LPCAT1: variants seen among roughly 807,000 people sequenced by gnomAD.
LPCAT1 encodes lysophosphatidylcholine acyltransferase 1.
Under a neutral mutation model 60.9 loss-of-function variants are expected in LPCAT1, and 23 were observed. That is an observed-to-expected ratio of 0.38 (90% confidence interval 0.27 to 0.53). The LOEUF (loss-of-function observed/expected upper bound fraction) is 0.53. Ranked by LOEUF, LPCAT1 falls within the 20% of genes least tolerant of loss-of-function variation. The pLI is 0.82. For missense variants in LPCAT1, 622 were observed against 723.6 expected (o/e 0.86, Z 1.61); for synonymous variants, 340 against 301.1 (o/e 1.13, Z -1.34).
rs376687163 is a variant in LPCAT1, at chr5:1,488,467, A to G, written c.607-16T>C. The stretch of plus-strand genomic sequence containing the variant: ...AAATCATTATCTGGAAGTGGGAGAA[A>G]GAAAAGGATCAGCATTAAACTGTAC... On this transcript the variant is annotated splice_polypyrimidine_tract_variant and intron_variant, in intron 4 of 13. Coordinates refer to ENST00000283415, the MANE Select transcript of LPCAT1 (RefSeq NM_024830.5). The G allele has an allele frequency of 4.5e-6, 7 of 1,560,312 alleles. No homozygotes were observed. Among genetic ancestry groups the G allele is most frequent in the Non-Finnish European group, 6.1e-6 (7 of 1,140,626 alleles).
chr5:1,514,716 GT>G (rs1736453549), intron 1 of LPCAT1, among the ~76,000 whole-genome samples: 2 of 152,318 alleles, frequency 1.3e-5, no homozygotes, highest in South Asian at 4.1e-4. Flanking sequence ...GCTGCAGACA[GT>G]GATACATCGT....
At position 1,489,803 on chromosome 5, in the gene LPCAT1, G is replaced by C. The variant is rs369672145; in HGVS notation, c.549C>G (p.Arg183=). The C allele has an allele frequency of 6.2e-7, 1 of 1,614,094 alleles. No homozygotes were observed. The highest frequency in any genetic ancestry group is 1.3e-5 in the African/African-American group (1 of 74,942). Residue 183 remains arginine, a synonymous_variant, in exon 4 of 14, where the codon CGC becomes CGG. Transcript: ENST00000283415. ...VFVSRSDQDS[R]RKTVEEIKRR... ...TCTTGATTTCTTCTACTGTTTTCCT[G>C]CGAGAATCCTGGTCTGACCGGGACA...
intron 12 of LPCAT1, among the ~76,000 whole-genome samples, chr5:1,468,282 G>A (rs1734521693): frequency 1.3e-5 from 2 of 152,200 alleles, no homozygotes; most frequent in South Asian, 4.1e-4. Flanking sequence ...TGTGGTCTAC[G>A]TTTCTCTCCT....
In LPCAT1 at chr5:1,466,812, C is replaced by T. The variant is rs781199821; in HGVS notation, c.1357G>A (p.Glu453Lys). The T allele has an allele frequency of 1.9e-6, 3 of 1,613,494 alleles. No individual in the cohort carries two copies. The South Asian group carries it at 3.3e-5, about 18-fold the overall frequency. Residue 453 changes from glutamate to lysine, a missense_variant, in exon 13 of 14, where the codon GAG (glutamate) becomes AAG (lysine). This residue lies in a region of LPCAT1 where 288 missense variants were observed against 283.6 expected (regional missense o/e 1.02). Coordinates refer to ENST00000283415, the MANE Select transcript of LPCAT1 (RefSeq NM_024830.5). Reference protein sequence around the residue: ...CILKTALGVAELTVTDLFRAI... With the variant: ...CILKTALGVAKLTVTDLFRAI... ...CGGAATAGGTCGGTCACGGTGAGCT[C>T]TGCCACCCCCAGGGCCGTCTTGAGG... is the stretch of plus-strand genomic sequence containing the variant.
intron 1 of LPCAT1, among the ~76,000 whole-genome samples, chr5:1,517,836 A>G (rs1172252770): frequency 6.6e-6 from 1 of 152,262 alleles, no homozygotes; most frequent in Non-Finnish European, 1.5e-5. Context: ...CGCTGTTCCC[A>G]GACAGGAGCC....
Position 1,523,380 on chromosome 5 carries a change from G to A in LPCAT1, c.135+330C>T, listed in dbSNP as rs1736733682. On this transcript the variant is annotated intron_variant, in intron 1 of 13. Transcript: ENST00000283415. This position sits in a 1 kb window ranked among gnomAD's most constrained non-coding sequence, Gnocchi z 7.1. ...CGAGGTCGGGGCTCTGGGAGGCAGA[G>A]AAAGGGTTGTGGGCCCGGTTCAGGG... Among the ~76,000 whole-genome samples, 1 of 151,812 alleles carries A rather than the reference G, an allele frequency of 6.6e-6. No homozygotes were observed. Among genetic ancestry groups the A allele is most frequent in the Admixed American group, 6.6e-5 (1 of 15,248 alleles).
At chr5:1,479,982 C>T (rs1735071327) in intron 7 of LPCAT1, among the ~76,000 whole-genome samples, 2 of 151,926 alleles carry the variant, frequency 1.3e-5, no homozygotes, top group African/African-American at 4.8e-5. Flanking sequence ...CCCTCCACAC[C>T]TGTCCCTCCT....
intron 1 of LPCAT1, among the ~76,000 whole-genome samples, chr5:1,507,108 G>C (rs1415500432): frequency 6.6e-6 from 1 of 152,160 alleles, no homozygotes; most frequent in Non-Finnish European, 1.5e-5. Flanking sequence ...ATGCGGAGAG[G>C]GGGAGGGACT....
At chr5:1,470,972 GGA>G in intron 11 of LPCAT1, 48 bp from the exon 12 acceptor site, 1 of 1,534,630 alleles carries the variant, frequency 6.5e-7, no homozygotes, top group Non-Finnish European at 9.0e-7. Context: ...CTTCGGCACT[GGA>G]GAAACGCCAG....
chr5:1,501,214 C>T lies in LPCAT1; in HGVS notation c.278+247G>A, dbSNP rs146193779. 1.1e-3 allele frequency among the ~76,000 whole-genome samples: 174 copies of T among 152,280 alleles called. 1 individual carries two copies. Among genetic ancestry groups the T allele is most frequent in the African/African-American group, 3.9e-3 (163 of 41,524 alleles). On this transcript the variant is annotated intron_variant, in intron 2 of 13. Coordinates refer to ENST00000283415, the MANE Select transcript of LPCAT1 (RefSeq NM_024830.5). ...GCTCAAGGGTGTGAAACAATGGCCACACATCCTGCAGACCCCTGGAAAATG... is the reference window on the plus strand; with the variant it reads ...GCTCAAGGGTGTGAAACAATGGCCATACATCCTGCAGACCCCTGGAAAATG...
intron 1 of LPCAT1, among the ~76,000 whole-genome samples, chr5:1,508,857 C>T (rs1736265547): frequency 6.6e-6 from 1 of 152,256 alleles, no homozygotes; most frequent in African/African-American, 2.4e-5. Context: ...CCTCCCTCGT[C>T]TCTGCCAAGG....
rs371264359 is a variant in LPCAT1 at position 1,465,981 on chromosome 5, C to G, written c.1420+768G>C. Among the ~76,000 whole-genome samples, 68 of 152,308 alleles carry G rather than the reference C, an allele frequency of 4.5e-4. 3 individuals are homozygous for G. In the East Asian group the frequency reaches 0.012, roughly 26 times the overall value. ...AGTGCGCACATCCGCACTCCCGCCT[C>G]CGGCTCCCGCACAGACGCTGTGCAC... On this transcript the variant is annotated intron_variant, in intron 13 of 13. Transcript: ENST00000283415.
chr5:1,469,603 C>G (rs568381484), intron 12 of LPCAT1, among the ~76,000 whole-genome samples: 124 of 152,214 alleles, frequency 8.1e-4, no homozygotes, highest in African/African-American at 2.9e-3. Context: ...ATGGTGAAAC[C>G]CTGTTTCTTC....
chr5:1,466,696 T>C, intron 13 of LPCAT1, 53 bp downstream of exon 13: 1 of 1,556,314 alleles, frequency 6.4e-7, no homozygotes, highest in South Asian at 1.2e-5. Flanking sequence ...CCCCACACTC[T>C]GTCCAGCCCC....
intron 1 of LPCAT1, among the ~76,000 whole-genome samples, chr5:1,520,244 G>A (rs913666001): frequency 2.0e-5 from 3 of 152,244 alleles, no homozygotes; most frequent in Admixed American, 6.5e-5. Flanking sequence ...CTGAGAGGGC[G>A]GAGTCCTGCT....
At chr5:1,490,448 G>A (rs898979848) in intron 3 of LPCAT1, among the ~76,000 whole-genome samples, 1 of 152,236 alleles carries the variant, frequency 6.6e-6, no homozygotes, top group Middle Eastern at 3.2e-3. Context: ...GGGGAGAGAA[G>A]GCCAATGATG....
intron 12 of LPCAT1, among the ~76,000 whole-genome samples, chr5:1,468,360 C>A (rs1459709938): frequency 1.3e-5 from 2 of 152,222 alleles, no homozygotes; most frequent in Admixed American, 6.5e-5. Flanking sequence ...AGCCTCAGAA[C>A]GGGCCGGGTC....
intron 1 of LPCAT1, among the ~76,000 whole-genome samples, chr5:1,510,560 G>A (rs1195079897): frequency 6.6e-6 from 1 of 152,226 alleles, no homozygotes; most frequent in Non-Finnish European, 1.5e-5. Flanking sequence ...GTCTTACGAG[G>A]ATGCTGCACG....
intron 1 of LPCAT1, among the ~76,000 whole-genome samples, chr5:1,514,764 C>T (rs923137257): frequency 6.6e-6 from 1 of 152,124 alleles, no homozygotes; most frequent in Non-Finnish European, 1.5e-5. Flanking sequence ...GGGATCATTC[C>T]AACAAAAAGG....
Sources: gnomAD v4.1 joint callset for allele counts (sites outside exome capture counted in the v4.1 genomes callset) on GRCh38, gnomAD v4.1.1 for gene constraint, gnomAD v4.1.1 regional missense constraint, Gnocchi (gnomAD v3.1) non-coding constraint, MANE v1.5 for transcripts, NCBI Gene and HGNC (gene_info 2026-07-23, HGNC 2026-07-21) for gene names.